WDR41: variants seen among roughly 807,000 people sequenced by gnomAD.
WDR41 encodes WD repeat domain 41.
WDR41 carries 63 observed loss-of-function variants against 69.3 expected under a neutral mutation model. The observed-to-expected ratio is 0.91, with a 90% CI of 0.74 to 1.12. The LOEUF (loss-of-function observed/expected upper bound fraction) is 1.12, where lower values mean the gene tolerates loss of function less well. WDR41 is among the 50% of genes most tolerant of loss of function. WDR41 has a pLI of 0.00. For missense variants in WDR41, 543 were observed against 534.5 expected, an observed-to-expected ratio of 1.02 and a Z score of -0.16; for synonymous variants, 185 against 192.1, an observed-to-expected ratio of 0.96 and a Z score of 0.31.
At chr5:77,549,577 T>C (rs1430613812) in intron 1 of WDR41, among the ~76,000 whole-genome samples, 1 of 151,912 alleles carries the variant, frequency 6.6e-6, no homozygotes, top group African/African-American at 2.4e-5. Context: ...AGGTGAAAGA[T>C]CTCTATGAGG....
At chr5:77,456,711 A>AT (rs1181425479) in intron 5 of WDR41, among the ~76,000 whole-genome samples, 4 of 151,592 alleles carry the variant, frequency 2.6e-5, no homozygotes, top group Admixed American at 6.6e-5. Flanking sequence ...TTATTTTATT[A>AT]TTTTTTTTGA....
chr5:77,516,956 C>T (rs1002301226), intron 1 of WDR41, among the ~76,000 whole-genome samples: 2 of 149,568 alleles, frequency 1.3e-5, no homozygotes, highest in East Asian at 2.0e-4. Context: ...TTGGAGGTTG[C>T]AGTGAGCCGA....
At chr5:77,467,528 T>C (rs1017842248) in intron 2 of WDR41, among the ~76,000 whole-genome samples, 1 of 151,992 alleles carries the variant, frequency 6.6e-6, no homozygotes, top group Non-Finnish European at 1.5e-5. Context: ...AACACACAAT[T>C]ATATGATGTG....
intron 1 of WDR41, among the ~76,000 whole-genome samples, chr5:77,614,449 T>C (rs1482084098): frequency 6.6e-6 from 1 of 150,894 alleles, no homozygotes; most frequent in African/African-American, 2.4e-5. Flanking sequence ...ATATACACCA[T>C]GGAGTACTAT....
At chr5:77,476,920 A>G (rs1225692266) in intron 2 of WDR41, among the ~76,000 whole-genome samples, 2 of 141,838 alleles carry the variant, frequency 1.4e-5, no homozygotes, top group Non-Finnish European at 3.0e-5. Context: ...TGCTGTATTC[A>G]GGAAATCCAT....
At chr5:77,486,094 G>C (rs377596333) in intron 2 of WDR41, among the ~76,000 whole-genome samples, 1 of 152,164 alleles carries the variant, frequency 6.6e-6, no homozygotes, top group Non-Finnish European at 1.5e-5. Context: ...AAACTATTAA[G>C]AGTAAAAACA....
intron 1 of WDR41, among the ~76,000 whole-genome samples, chr5:77,561,457 C>CT (rs1378729546): frequency 6.6e-6 from 1 of 151,774 alleles, no homozygotes; most frequent in Admixed American, 6.6e-5. Context: ...TTTTTCCTTG[C>CT]TTTTTTTAAG....
chr5:77,439,022 A>G (rs926062592), intron 9 of WDR41, among the ~76,000 whole-genome samples: 1 of 152,232 alleles, frequency 6.6e-6, no homozygotes, highest in Non-Finnish European at 1.5e-5. Context: ...TTTTCCAGAT[A>G]AGGAATTTAA....
chr5:77,580,738 G>A (rs1228944378), intron 1 of WDR41, among the ~76,000 whole-genome samples: 18 of 152,056 alleles, frequency 1.2e-4, no homozygotes, highest in African/African-American at 3.9e-4. Context: ...GGCAGATCAC[G>A]AGGTCAGGAG....
At chr5:77,491,821 G>A (rs1801802890) in intron 1 of WDR41, 1 of 306,148 alleles carries the variant, frequency 3.3e-6, no homozygotes, top group African/African-American at 2.2e-5. Context: ...CTTTTTAAGT[G>A]GAAATGAAGA....
chr5:77,440,730 C>T, intron 9 of WDR41, 83 bp downstream of exon 9: 1 of 1,348,056 alleles, frequency 7.4e-7, no homozygotes, highest in Non-Finnish European at 1.0e-6. Flanking sequence ...TTTTTATGTC[C>T]AACATGGGAT....
intron 1 of WDR41, among the ~76,000 whole-genome samples, chr5:77,616,770 G>A (rs1744687938): frequency 6.6e-6 from 1 of 152,132 alleles, no homozygotes; most frequent in South Asian, 2.1e-4. Flanking sequence ...GGTTACCACT[G>A]ATGGAAAATC....
At chr5:77,505,433 G>T (rs913810296) in intron 1 of WDR41, among the ~76,000 whole-genome samples, 5 of 152,134 alleles carry the variant, frequency 3.3e-5, no homozygotes, top group Admixed American at 3.3e-4. Context: ...AATCAATATC[G>T]TGAAAATGGC....
intron 1 of WDR41, among the ~76,000 whole-genome samples, chr5:77,581,074 G>A (rs1743931206): frequency 6.6e-6 from 1 of 151,982 alleles, no homozygotes; most frequent in African/African-American, 2.4e-5. Context: ...CAATCAAAAG[G>A]ATTGTCAGAC....
intron 1 of WDR41, among the ~76,000 whole-genome samples, chr5:77,585,418 T>C (rs1378457506): frequency 6.6e-6 from 1 of 152,148 alleles, no homozygotes; most frequent in Non-Finnish European, 1.5e-5. Flanking sequence ...AGTGTGGAGA[T>C]TTCTTAAACA....
intron 2 of WDR41, among the ~76,000 whole-genome samples, chr5:77,478,594 A>G (rs189240048): frequency 6.6e-6 from 1 of 152,334 alleles, no homozygotes; most frequent in African/African-American, 2.4e-5. Context: ...ATCTCAACAG[A>G]TGCAGAAAAG....
At chr5:77,600,929 ATGTGTGTGTGTGTGTGTGTGTGTGTG>A (rs71608111) in intron 1 of WDR41, among the ~76,000 whole-genome samples, 1 of 144,084 alleles carries the variant, frequency 6.9e-6, no homozygotes, top group Admixed American at 6.9e-5. Context: ...CTCTGTGTGT[ATGTGTGTGTGTGTGTGTGTGTGTGTG>A]TGTGTGTGTA....
chr5:77,553,904 C>T (rs1346131672), intron 1 of WDR41, among the ~76,000 whole-genome samples: 1 of 152,132 alleles, frequency 6.6e-6, no homozygotes, highest in Non-Finnish European at 1.5e-5. Context: ...GTTAAACTTG[C>T]AACTACCATA....
intron 1 of WDR41, among the ~76,000 whole-genome samples, chr5:77,531,158 G>A (rs1802524119): frequency 6.6e-6 from 1 of 151,736 alleles, no homozygotes; most frequent in Non-Finnish European, 1.5e-5. Flanking sequence ...GGTAAATTGG[G>A]CTTCATCAAA....
Sources: gnomAD v4.1 joint callset for allele counts (sites outside exome capture counted in the v4.1 genomes callset) on GRCh38, gnomAD v4.1.1 for gene constraint, MANE v1.5 for transcripts, NCBI Gene and HGNC (gene_info 2026-07-23, HGNC 2026-07-21) for gene names.